Variants in TMEM132D observed in about 807,000 individuals in gnomAD.
TMEM132D encodes transmembrane protein 132D, also known as mature OL transmembrane protein.
A neutral mutation model predicts 62.3 loss-of-function variants in TMEM132D; 21 were observed. The observed-to-expected ratio is 0.34, with a 90% CI of 0.24 to 0.49. The LOEUF (loss-of-function observed/expected upper bound fraction) is 0.49, where lower values mean the gene tolerates loss of function less well. Ranked by LOEUF, TMEM132D falls within the 20% of genes least tolerant of loss-of-function variation. TMEM132D has a pLI of 0.99. For missense variants in TMEM132D, 1,346 were observed against 1,402.8 expected (o/e 0.96, Z 0.65); for synonymous variants, 621 against 575.6 (o/e 1.08, Z -1.13).
intron 3 of TMEM132D, among the ~76,000 whole-genome samples, chr12:129,442,986 G>T (rs1369804012): frequency 6.6e-6 from 1 of 152,082 alleles, no homozygotes; most frequent in African/African-American, 2.4e-5. Context: ...CCTCCCAGGT[G>T]AACACATCCT....
chr12:129,113,294 C>A (rs1393543694), intron 5 of TMEM132D: 4 of 152,190 alleles, frequency 2.6e-5, no homozygotes, highest in Non-Finnish European at 5.9e-5. Flanking sequence ...TCTTCCCTGG[C>A]AATACTCAAT....
chr12:129,075,970 G>A (rs1408418520), intron 8 of TMEM132D, among the ~76,000 whole-genome samples: 1 of 144,446 alleles, frequency 6.9e-6, no homozygotes, highest in African/African-American at 2.5e-5. Context: ...AGCCCGAGAT[G>A]ATGAACAGCA....
intron 5 of TMEM132D, among the ~76,000 whole-genome samples, chr12:129,165,217 T>A (rs538972712): frequency 2.0e-4 from 30 of 152,270 alleles, no homozygotes; most frequent in African/African-American, 7.0e-4. Context: ...GAGGGTAGGA[T>A]GGGCTTGGAA....
In TMEM132D at chr12:129,600,585, T is replaced by C. The variant is rs146562820; in HGVS notation, c.969-69380A>G. ...GCCATAGCCTTATCAAAGGTATGAC[T>C]TGAAAGCCAAAATTACTCCTTGATC... On this transcript the variant is annotated intron_variant, in intron 2 of 8. Transcript: ENST00000422113. Among the ~76,000 whole-genome samples the C allele has an allele frequency of 2.6e-5, 4 of 152,348 alleles. No homozygotes were observed. In the East Asian group the frequency reaches 7.7e-4, roughly 29 times the overall value.
intron 1 of TMEM132D, among the ~76,000 whole-genome samples, chr12:129,757,728 A>G (rs192852159): frequency 2.0e-4 from 30 of 152,266 alleles, no homozygotes; most frequent in Middle Eastern, 6.8e-3. Flanking sequence ...ATACAGCCAG[A>G]GCAATGTTTT....
rs987045178 is a variant in TMEM132D at position 129,461,669 on chromosome 12, G to C, written c.1115+69390C>G. Among the ~76,000 whole-genome samples, 3 of 129,728 alleles carry C rather than the reference G, an allele frequency of 2.3e-5. No homozygotes were observed. The East Asian group carries it at 7.7e-4, about 33-fold the overall frequency. 85.1% of individuals were successfully genotyped at this position (129,728 alleles called of 152,430 possible). A position where few individuals can be genotyped will look rare whatever the true frequency, so the allele number is the denominator to read the frequency against. On this transcript the variant is annotated intron_variant, in intron 3 of 8. Transcript: ENST00000422113. ...GAGACCAAGGAAAGAGGAGAAAAGA[G>C]GAACCAAGTGATAGGTGATTGAAAG...
intron 3 of TMEM132D, among the ~76,000 whole-genome samples, chr12:129,451,686 G>C (rs1171039903): frequency 6.6e-6 from 1 of 152,186 alleles, no homozygotes; most frequent in African/African-American, 2.4e-5. Flanking sequence ...TTATTCTCAT[G>C]TGACAAGAAA....
intron 1 of TMEM132D, among the ~76,000 whole-genome samples, chr12:129,714,714 G>A (rs1565959371): frequency 6.6e-6 from 1 of 152,028 alleles, no homozygotes; most frequent in Non-Finnish European, 1.5e-5. Context: ...ATTTTATTGA[G>A]GCTAATTATA....
chr12:129,319,067 G>A (rs79313085), intron 4 of TMEM132D, among the ~76,000 whole-genome samples: 2,727 of 152,262 alleles, frequency 0.018, 81 homozygotes, highest in Admixed American at 0.075. Flanking sequence ...AAAAGGTCTT[G>A]GTTCTTCCCC....
intron 4 of TMEM132D, among the ~76,000 whole-genome samples, chr12:129,247,324 C>T (rs1880148862): frequency 6.6e-6 from 1 of 152,272 alleles, no homozygotes; most frequent in South Asian, 2.1e-4. Context: ...GTGTCACGAT[C>T]TGGTTCCAAA....
intron 3 of TMEM132D, among the ~76,000 whole-genome samples, chr12:129,461,345 G>A (rs186030476): frequency 2.0e-5 from 3 of 152,254 alleles, no homozygotes; most frequent in Admixed American, 1.3e-4. Context: ...AGGGGATGCA[G>A]ATGGCAAAGA....
intron 5 of TMEM132D, among the ~76,000 whole-genome samples, chr12:129,182,837 C>T (rs536196863): frequency 1.3e-5 from 2 of 152,264 alleles, no homozygotes; most frequent in Non-Finnish European, 2.9e-5. Flanking sequence ...TAAAGCTTAG[C>T]GGCTAAAACA....
At chr12:129,123,999 A>G (rs927006308) in intron 5 of TMEM132D, among the ~76,000 whole-genome samples, 3 of 152,170 alleles carry the variant, frequency 2.0e-5, no homozygotes, top group Non-Finnish European at 4.4e-5. Flanking sequence ...CTCAGCCTCC[A>G]TAACTGTGTG....
At chr12:129,712,018 C>A (rs1483240020) in intron 1 of TMEM132D, among the ~76,000 whole-genome samples, 1 of 151,954 alleles carries the variant, frequency 6.6e-6, no homozygotes, top group Non-Finnish European at 1.5e-5. Context: ...CCAGTACATC[C>A]TCAGGTTATT....
At chr12:129,127,923 C>T (rs146633242) in intron 5 of TMEM132D, among the ~76,000 whole-genome samples, 8 of 152,328 alleles carry the variant, frequency 5.3e-5, no homozygotes, top group South Asian at 2.1e-4. Context: ...TTTCTTGCTA[C>T]GCCCTGAGGC....
intron 2 of TMEM132D, among the ~76,000 whole-genome samples, chr12:129,676,346 T>C (rs1040430187): frequency 2.0e-5 from 3 of 152,216 alleles, no homozygotes; most frequent in African/African-American, 4.8e-5. Context: ...CATCTAATCA[T>C]ATCTATCATC....
At chr12:129,854,024 G>T (rs1172169219) in intron 1 of TMEM132D, among the ~76,000 whole-genome samples, 25 of 152,082 alleles carry the variant, frequency 1.6e-4, no homozygotes, top group Admixed American at 1.6e-3. Flanking sequence ...TGGGGGGATG[G>T]GCCTCCGTTT....
At chr12:129,902,111 G>A (rs1166382122) in intron 1 of TMEM132D, among the ~76,000 whole-genome samples, 1 of 152,096 alleles carries the variant, frequency 6.6e-6, no homozygotes, top group Non-Finnish European at 1.5e-5. Context: ...TTTCTAAATC[G>A]AACCATCACA....
At chr12:129,514,128 C>T (rs918562090) in intron 3 of TMEM132D, among the ~76,000 whole-genome samples, 18 of 152,050 alleles carry the variant, frequency 1.2e-4, no homozygotes, top group Admixed American at 6.6e-4. Context: ...CGTGAGCCAC[C>T]GAGCCCGGCC....
Sources: gnomAD v4.1 joint callset for allele counts (sites outside exome capture counted in the v4.1 genomes callset) on GRCh38, gnomAD v4.1.1 for gene constraint, MANE v1.5 for transcripts, NCBI Gene and HGNC (gene_info 2026-07-23, HGNC 2026-07-21) for gene names.